The following CAPZA2 variants were observed in gnomAD, a reference collection of about 807,000 sequenced individuals.
CAPZA2 encodes F-actin-capping protein subunit alpha-2.
In CAPZA2, 13 loss-of-function variants were observed where a neutral mutation model predicts 44.0. The observed-to-expected ratio is 0.30, with a 90% CI of 0.19 to 0.47. The LOEUF (loss-of-function observed/expected upper bound fraction) is 0.47. CAPZA2 is among the 20% of genes least tolerant of loss of function. The pLI, the probability that CAPZA2 is intolerant of heterozygous loss-of-function variation, is 1.00. For synonymous variants in CAPZA2, 94 were observed against 108.2 expected (o/e 0.87, Z 0.81); for missense variants, 244 against 338.6 (o/e 0.72, Z 2.19).
chr7:116,906,221 G>T (rs774907827), intron 5 of CAPZA2, 42 bp from the exon 6 acceptor site: 8 of 1,592,368 alleles, frequency 5.0e-6, no homozygotes, highest in Non-Finnish European at 6.0e-6. Context: ...GACATTCCAT[G>T]GCCCTAAATT....
chr7:116,888,095 A>G (rs1796786464), intron 1 of CAPZA2, 32 bp from the exon 2 acceptor site: 1 of 1,507,668 alleles, frequency 6.6e-7, no homozygotes, highest in African/African-American at 1.4e-5. Context: ...AGCCTGTGAT[A>G]TGGAACATTT....
chr7:116,887,808 G>A (rs1298266393), intron 1 of CAPZA2, among the ~76,000 whole-genome samples: 1 of 152,232 alleles, frequency 6.6e-6, no homozygotes. Flanking sequence ...ACTCTAGCCT[G>A]CGTAACAGAG....
At chr7:116,896,910 T>C (rs1352821719) in intron 3 of CAPZA2, among the ~76,000 whole-genome samples, 2 of 152,142 alleles carry the variant, frequency 1.3e-5, no homozygotes, top group African/African-American at 4.8e-5. Flanking sequence ...TGGCCTGTAC[T>C]GGTTAATGAT....
In CAPZA2 at chr7:116,918,280, T is replaced by A. The variant is rs1291632067; in HGVS notation, c.*413T>A. ...CAATAATGGACATTCTAGTTTAAGG[T>A]GGTTGATGGATTTAGCCATATATGC... On this transcript the variant is annotated 3_prime_UTR_variant, in exon 10 of 10. Coordinates refer to ENST00000361183, the MANE Select transcript of CAPZA2 (RefSeq NM_006136.3). 6.2e-6 allele frequency: 1 copy of A among 162,128 alleles called. No homozygotes were observed. Among genetic ancestry groups the A allele is most frequent in the Non-Finnish European group, 1.4e-5 (1 of 72,984 alleles). 10.0% of individuals were successfully genotyped at this position (162,128 alleles called of 1,614,324 possible). A position where few individuals can be genotyped will look rare whatever the true frequency, so the allele number is the denominator to read the frequency against.
intron 2 of CAPZA2, 41 bp from the exon 3 acceptor site, chr7:116,892,953 C>T (rs377062970): frequency 4.3e-6 from 6 of 1,399,354 alleles, no homozygotes; most frequent in Non-Finnish European, 6.0e-6. Context: ...ATTCTTGAAA[C>T]ATATAACAAT....
chr7:116,888,885 G>T (rs1796797867), intron 2 of CAPZA2, among the ~76,000 whole-genome samples: 1 of 151,852 alleles, frequency 6.6e-6, no homozygotes, highest in Non-Finnish European at 1.5e-5. Flanking sequence ...TATATTTTTT[G>T]GAATTGTGAA....
intron 1 of CAPZA2, among the ~76,000 whole-genome samples, chr7:116,867,832 C>T (rs573201645): frequency 6.6e-6 from 1 of 152,284 alleles, no homozygotes; most frequent in African/African-American, 2.4e-5. Context: ...GATCTGCCAG[C>T]TTTGGCCTCC....
chr7:116,904,038 A>G (rs966800661), intron 4 of CAPZA2, 139 bp from the exon 5 acceptor site: 4 of 615,766 alleles, frequency 6.5e-6, no homozygotes, highest in Non-Finnish European at 1.1e-5. Context: ...TAATAGTTGT[A>G]CCATATGGTT....
intron 6 of CAPZA2, among the ~76,000 whole-genome samples, chr7:116,909,422 A>G (rs376496184): frequency 6.6e-6 from 1 of 152,206 alleles, no homozygotes; most frequent in South Asian, 2.1e-4. Context: ...AAAGAAAAAT[A>G]AGATAAAATT....
chr7:116,907,077 T>A (rs1026950756), intron 6 of CAPZA2, among the ~76,000 whole-genome samples: 4 of 152,240 alleles, frequency 2.6e-5, no homozygotes, highest in African/African-American at 9.6e-5. Context: ...TATTTACCTT[T>A]TAGTATATTA....
chr7:116,921,333 G>C lies in CAPZA2; in HGVS notation c.*3466G>C, dbSNP rs1481716990. On this transcript the variant is annotated 3_prime_UTR_variant, in exon 10 of 10. Transcript: ENST00000361183. The stretch of plus-strand genomic sequence containing the variant: ...GGATGCGAAGGTTGCAGTGAGCCGA[G>C]ATTGTGCCACTGCACTCCAGGCTGG... 6.7e-6 allele frequency: 1 copy of C among 150,062 alleles called. No homozygotes were observed. 9.3% of individuals were successfully genotyped at this position (150,062 alleles called of 1,614,324 possible).
chr7:116,894,256 G>A lies in CAPZA2; in HGVS notation c.155+1211G>A, dbSNP rs193081668. ...ACATTCCTGTAGTCCCAGCTACTTG[G>A]GAGGCTGAGGCAGGAGAATCGCTTG... On this transcript the variant is annotated intron_variant, in intron 3 of 9. Transcript: ENST00000361183. Among the ~76,000 whole-genome samples the A allele has an allele frequency of 1.1e-3, 167 of 152,102 alleles. 1 individual carries two copies. The highest frequency in any genetic ancestry group is 1.9e-3 in the Admixed American group (29 of 15,268).
intron 1 of CAPZA2, among the ~76,000 whole-genome samples, chr7:116,870,740 C>T (rs1178147014): frequency 6.6e-6 from 1 of 152,074 alleles, no homozygotes; most frequent in African/African-American, 2.4e-5. Context: ...GGTTTAAGTT[C>T]GTCCCACAAG....
In CAPZA2 at chr7:116,868,654, G is replaced by A. The variant is rs538364934; in HGVS notation, c.39+6004G>A. On this transcript the variant is annotated intron_variant, in intron 1 of 9. Coordinates refer to ENST00000361183, the MANE Select transcript of CAPZA2 (RefSeq NM_006136.3). ...GAGGCCGAGGCAGGAGAATCGCTTGGACCCGGGAGGTGGATGTTGCAGTGA... is the reference window on the plus strand; with the variant it reads ...GAGGCCGAGGCAGGAGAATCGCTTGAACCCGGGAGGTGGATGTTGCAGTGA... Among the ~76,000 whole-genome samples the A allele has an allele frequency of 1.1e-4, 16 of 152,194 alleles. No individual in the cohort carries two copies. In the South Asian group the frequency reaches 3.1e-3, roughly 30 times the overall value.
At chr7:116,904,811 G>T (rs995459215) in intron 5 of CAPZA2, 2 of 155,880 alleles carry the variant, frequency 1.3e-5, no homozygotes, top group East Asian at 3.8e-4. Context: ...TGGTTCTTTC[G>T]TAGGTTCAAC....
intron 1 of CAPZA2, among the ~76,000 whole-genome samples, chr7:116,885,130 C>G (rs963224828): frequency 5.3e-5 from 8 of 152,048 alleles, no homozygotes; most frequent in Non-Finnish European, 1.2e-4. Context: ...GAATAAAAAT[C>G]CTTTGTTGAA....
chr7:116,911,568 A>G (rs1359755384), intron 7 of CAPZA2, among the ~76,000 whole-genome samples: 1 of 152,212 alleles, frequency 6.6e-6, no homozygotes, highest in South Asian at 2.1e-4. Flanking sequence ...TACTTTATAC[A>G]TACCTTTACC....
chr7:116,890,523 AAAATATAT>A (rs1796819674), intron 2 of CAPZA2, among the ~76,000 whole-genome samples: 8 of 38,572 alleles, frequency 2.1e-4, no homozygotes, highest in Non-Finnish European at 3.0e-4. Context: ...AAAAAAAAAA[AAAATATAT>A]ATATATATAT....
intron 1 of CAPZA2, among the ~76,000 whole-genome samples, chr7:116,878,645 T>G (rs9641571): frequency 6.6e-6 from 1 of 152,238 alleles, no homozygotes; most frequent in East Asian, 1.9e-4. Context: ...TACTGGTGTT[T>G]GAAGTGAGCA....
Sources: allele counts gnomAD v4.1 joint callset (sites outside exome capture counted in the v4.1 genomes callset), GRCh38; gene constraint gnomAD v4.1.1; transcripts MANE v1.5; gene names NCBI Gene and HGNC (gene_info 2026-07-23, HGNC 2026-07-21).